The following NCKAP5 variants were observed in gnomAD, a reference collection of about 807,000 sequenced individuals.
NCKAP5 encodes the protein nck-associated protein 5.
NCKAP5 carries 92 observed loss-of-function variants against 167.0 expected under a neutral mutation model. The observed-to-expected ratio is 0.55, with a 90% CI of 0.47 to 0.66. NCKAP5 has a LOEUF of 0.66. NCKAP5 is among the 30% of genes least tolerant of loss of function. NCKAP5 has a pLI of 0.00. For missense variants in NCKAP5, 2,378 were observed against 2,315.0 expected (o/e 1.03, Z -0.56); for synonymous variants, 891 against 877.4 (o/e 1.02, Z -0.27).
At chr2:133,647,891 G>A in the NCKAP5 span, among the ~76,000 whole-genome samples, 40,629 of 151,968 alleles carry the variant, frequency 0.27, 8,375 homozygotes, top group African/African-American at 0.56. Flanking sequence ...TTTCCCTAAC[G>A]ATGATTACGT....
chr2:133,241,841 C>T lies in NCKAP5; in HGVS notation c.144-28062G>A, dbSNP rs192997156. On this transcript the variant is annotated intron_variant, in intron 4 of 19. Transcript: ENST00000409261. ...TTTGCATATTAAAAGTAAAAATAGC[C>T]GGGCACGGTGGCTCACACCTGTAAT... Among the ~76,000 whole-genome samples the T allele has an allele frequency of 2.5e-3, 377 of 152,114 alleles. 1 individual carries two copies. Among genetic ancestry groups the T allele is most frequent in the African/African-American group, 8.7e-3 (360 of 41,484 alleles).
At chr2:133,103,308 G>A (rs1218447534) in intron 6 of NCKAP5, among the ~76,000 whole-genome samples, 3 of 152,164 alleles carry the variant, frequency 2.0e-5, no homozygotes, top group East Asian at 1.9e-4. Flanking sequence ...TGAAGGCTCT[G>A]AACATAGACT....
At chr2:133,469,534 T>C (rs977758306) in intron 3 of NCKAP5, among the ~76,000 whole-genome samples, 5 of 152,046 alleles carry the variant, frequency 3.3e-5, no homozygotes, top group African/African-American at 1.2e-4. Context: ...ACTCTCTGTA[T>C]TTCCTGAATC....
intron 4 of NCKAP5, among the ~76,000 whole-genome samples, chr2:133,231,966 G>A (rs918356268): frequency 3.3e-5 from 5 of 152,206 alleles, no homozygotes; most frequent in Non-Finnish European, 5.9e-5. Flanking sequence ...CACTTCGCAT[G>A]TAACTAAATA....
chr2:132,693,739 C>T (rs1687036190), intron 19 of NCKAP5, among the ~76,000 whole-genome samples: 1 of 150,724 alleles, frequency 6.6e-6, no homozygotes, highest in Non-Finnish European at 1.5e-5. Flanking sequence ...GATTCTCCTG[C>T]CTCAGCCTCT....
the NCKAP5 span, among the ~76,000 whole-genome samples, chr2:133,661,784 T>C: frequency 3.3e-3 from 503 of 152,316 alleles, 4 homozygotes; most frequent in Middle Eastern, 0.02. Context: ...CACAGTCTTG[T>C]TCATCTAGAA....
intron 8 of NCKAP5, among the ~76,000 whole-genome samples, chr2:132,943,083 G>C (rs1697421510): frequency 6.6e-6 from 1 of 152,200 alleles, no homozygotes; most frequent in Non-Finnish European, 1.5e-5. Context: ...TTAAAATCAA[G>C]TAGGGTCTGA....
intron 6 of NCKAP5, among the ~76,000 whole-genome samples, chr2:133,013,345 A>G (rs1257228028): frequency 6.6e-6 from 1 of 152,212 alleles, no homozygotes; most frequent in African/African-American, 2.4e-5. Context: ...CTGGTGATAA[A>G]GACATGAGAC....
chr2:133,194,110 C>G (rs777304107), intron 5 of NCKAP5, among the ~76,000 whole-genome samples: 1 of 151,838 alleles, frequency 6.6e-6, no homozygotes, highest in East Asian at 1.9e-4. Context: ...AGTATGCACT[C>G]GGGTAAGAAA....
rs142008338 is a variant in NCKAP5, at chr2:132,764,334, C to T, written c.5128+9482G>A. Among the ~76,000 whole-genome samples the T allele has an allele frequency of 4.2e-3, 637 of 152,280 alleles. 1 individual carries two copies. Among genetic ancestry groups the T allele is most frequent in the Non-Finnish European group, 7.0e-3 (479 of 68,006 alleles). ...TTTTCAGTCCTTGGTCAGAAGATAT[C>T]ACATGGTCCTGTTTTCATGGGCCTA... On this transcript the variant is annotated intron_variant, in intron 16 of 19. Transcript: ENST00000409261.
intron 3 of NCKAP5, among the ~76,000 whole-genome samples, chr2:133,463,547 A>G (rs968073494): frequency 1.3e-5 from 2 of 152,242 alleles, no homozygotes; most frequent in African/African-American, 4.8e-5. Flanking sequence ...CATTGAAGGC[A>G]TGAGAACTAC....
intron 2 of NCKAP5, among the ~76,000 whole-genome samples, chr2:133,530,554 A>G (rs1443639560): frequency 6.6e-6 from 1 of 152,220 alleles, no homozygotes; most frequent in Non-Finnish European, 1.5e-5. Flanking sequence ...CCATTCAGCG[A>G]CATGAAATGG....
intron 7 of NCKAP5, among the ~76,000 whole-genome samples, chr2:132,982,022 A>G (rs57657877): frequency 6.6e-6 from 1 of 152,196 alleles, no homozygotes; most frequent in Non-Finnish European, 1.5e-5. Context: ...ATTTTCTCCA[A>G]TGCTAAAGCT....
chr2:133,088,106 C>T (rs1175273814), intron 6 of NCKAP5, among the ~76,000 whole-genome samples: 1 of 152,156 alleles, frequency 6.6e-6, no homozygotes, highest in African/African-American at 2.4e-5. Flanking sequence ...TATGATATTC[C>T]TACCACTTAC....
intron 4 of NCKAP5, among the ~76,000 whole-genome samples, chr2:133,262,993 T>C (rs1179476415): frequency 6.6e-6 from 1 of 152,080 alleles, no homozygotes; most frequent in East Asian, 1.9e-4. Flanking sequence ...TATAGAAAAA[T>C]TTGAGGAGTA....
At chr2:133,236,070 C>CAAAAA (rs527705526) in intron 4 of NCKAP5, among the ~76,000 whole-genome samples, 372 of 15,664 alleles carry the variant, frequency 0.024, 73 homozygotes, top group Non-Finnish European at 0.044. Flanking sequence ...TGTCTCAGAC[C>CAAAAA]AAAAAAAAAA....
intron 3 of NCKAP5, among the ~76,000 whole-genome samples, chr2:133,325,270 T>C (rs1050828555): frequency 6.6e-6 from 1 of 152,066 alleles, no homozygotes. Context: ...GTCTCCAAAG[T>C]GTGTACTCTG....
chr2:132,742,381 T>G (rs1190046753), intron 16 of NCKAP5, among the ~76,000 whole-genome samples: 1 of 151,912 alleles, frequency 6.6e-6, no homozygotes, highest in Non-Finnish European at 1.5e-5. Context: ...GCTTTATTTG[T>G]CAAGAAACAT....
chr2:133,671,566 C>T, the NCKAP5 span, among the ~76,000 whole-genome samples: 1 of 152,096 alleles, frequency 6.6e-6, no homozygotes, highest in East Asian at 1.9e-4. Flanking sequence ...GTTCAGGCCC[C>T]TCACTGTGTG....
Sources: gnomAD v4.1 joint callset for allele counts (sites outside exome capture counted in the v4.1 genomes callset) on GRCh38, gnomAD v4.1.1 for gene constraint, MANE v1.5 for transcripts, NCBI Gene and HGNC (gene_info 2026-07-23, HGNC 2026-07-21) for gene names.